Variants in WWOX observed in about 807,000 individuals in gnomAD.
WWOX encodes WW domain-containing oxidoreductase.
A neutral mutation model predicts 46.2 loss-of-function variants in WWOX; 69 were observed. The ratio of observed to expected loss-of-function variants is 1.49; its 90% CI spans 1.23 to 1.82. WWOX has a LOEUF of 1.82. WWOX is among the 40% of genes most tolerant of loss of function. The pLI is 0.00. For synonymous variants in WWOX, 359 were observed against 202.6 expected (o/e 1.77, Z -6.56); for missense variants, 919 against 542.6 (o/e 1.69, Z -6.89).
intron 8 of WWOX, among the ~76,000 whole-genome samples, chr16:79,189,802 G>T (rs908214572): frequency 1.3e-5 from 2 of 151,718 alleles, no homozygotes; most frequent in African/African-American, 2.4e-5. Context: ...CGGTGGGAGG[G>T]GGGGGATATT....
chr16:78,725,344 C>CTTTTTTTTTTT (rs1220702069), intron 8 of WWOX, among the ~76,000 whole-genome samples: 25 of 61,864 alleles, frequency 4.0e-4, no homozygotes, highest in Non-Finnish European at 6.4e-4. Context: ...CTTTTCTTTT[C>CTTTTTTTTTTT]TTTTTTTTTT....
intron 8 of WWOX, among the ~76,000 whole-genome samples, chr16:79,187,521 C>T (rs2051041289): frequency 6.6e-6 from 1 of 152,204 alleles, no homozygotes; most frequent in Admixed American, 6.5e-5. Flanking sequence ...CTGCCTCAGC[C>T]TCCCAAGTAG....
At chr16:78,185,824 G>A (rs190003444) in intron 5 of WWOX, among the ~76,000 whole-genome samples, 1 of 146,358 alleles carries the variant, frequency 6.8e-6, no homozygotes, top group African/African-American at 2.6e-5. Context: ...CCACCATCAC[G>A]CCCAGCTAAT....
At position 78,100,337 on chromosome 16, in the gene WWOX, C is replaced by T. The variant is rs926873550; in HGVS notation, c.107+452C>T. On this transcript the variant is annotated intron_variant, in intron 1 of 8. Coordinates refer to ENST00000566780, the MANE Select transcript of WWOX (RefSeq NM_016373.4). Reference sequence around the variant, plus strand: ...GTGCCATCATAGCCCACTGTAGCCTCTACCTACTGGGTTCAGACAATCCTC... The same window carrying T: ...GTGCCATCATAGCCCACTGTAGCCTTTACCTACTGGGTTCAGACAATCCTC... 1.4e-5 allele frequency: 11 copies of T among 774,456 alleles called. No homozygotes were observed. The African/African-American group carries it at 1.9e-4, about 13-fold the overall frequency. 48.0% of individuals were successfully genotyped at this position (774,456 alleles called of 1,614,324 possible). A position where few individuals can be genotyped will look rare whatever the true frequency, so the allele number is the denominator to read the frequency against.
At chr16:78,301,567 A>G (rs1161216599) in intron 5 of WWOX, among the ~76,000 whole-genome samples, 1 of 152,170 alleles carries the variant, frequency 6.6e-6, no homozygotes, top group Non-Finnish European at 1.5e-5. Flanking sequence ...TCTGTTAATT[A>G]GAATTGTGGG....
At chr16:78,624,827 T>C (rs1302373516) in intron 8 of WWOX, among the ~76,000 whole-genome samples, 2 of 152,224 alleles carry the variant, frequency 1.3e-5, no homozygotes, top group Non-Finnish European at 2.9e-5. Context: ...GGCTTGAATT[T>C]GTTTGCCTAA....
intron 8 of WWOX, among the ~76,000 whole-genome samples, chr16:78,793,985 C>T (rs180978507): frequency 2.6e-5 from 4 of 152,186 alleles, no homozygotes; most frequent in Admixed American, 1.3e-4. Flanking sequence ...TGCCATATAG[C>T]AAAGTTCTTA....
intron 8 of WWOX, among the ~76,000 whole-genome samples, chr16:78,864,168 C>A (rs2043952431): frequency 6.6e-6 from 1 of 152,042 alleles, no homozygotes; most frequent in Non-Finnish European, 1.5e-5. Flanking sequence ...ATTACGGGGT[C>A]ATACAGTAAA....
At chr16:79,006,988 C>A (rs12598700) in intron 8 of WWOX, among the ~76,000 whole-genome samples, 2 of 152,000 alleles carry the variant, frequency 1.3e-5, no homozygotes, top group African/African-American at 4.8e-5. Context: ...TTCCCTTTGT[C>A]GCGTAACCTA....
intron 8 of WWOX, among the ~76,000 whole-genome samples, chr16:78,937,331 A>T (rs1442552499): frequency 1.3e-5 from 2 of 152,010 alleles, no homozygotes; most frequent in Non-Finnish European, 2.9e-5. Context: ...AATTTGATAC[A>T]GGTGTCAGAT....
At chr16:78,126,296 C>T (rs554297391) in intron 4 of WWOX, among the ~76,000 whole-genome samples, 12 of 152,216 alleles carry the variant, frequency 7.9e-5, no homozygotes, top group African/African-American at 2.4e-4. Flanking sequence ...TGATTTGCTC[C>T]CCAACCTTAA....
chr16:78,897,574 G>A (rs1023980371), intron 8 of WWOX: 1 of 152,128 alleles, frequency 6.6e-6, no homozygotes. Context: ...CTGTGCACCT[G>A]TTGATGAGCA....
intron 8 of WWOX, among the ~76,000 whole-genome samples, chr16:79,107,794 AATG>A (rs2049340036): frequency 6.6e-6 from 1 of 152,248 alleles, no homozygotes; most frequent in South Asian, 2.1e-4. Flanking sequence ...TGTATCAGGT[AATG>A]ATCACAAAAT....
rs186619090 is a variant in WWOX at position 78,962,119 on chromosome 16, A to T, written c.1057-249489A>T. Among the ~76,000 whole-genome samples, 3 of 152,052 alleles carry T rather than the reference A, an allele frequency of 2.0e-5. No individual in the cohort carries two copies. The East Asian group carries it at 5.8e-4, about 30-fold the overall frequency. On this transcript the variant is annotated intron_variant, in intron 8 of 8. Transcript: ENST00000566780. ...GACAGTCTTAGGGTGAAAAAGAGGG[A>T]GAGGCTTGCCATCTGAACAGGAATC...
intron 8 of WWOX, among the ~76,000 whole-genome samples, chr16:78,486,016 C>T (rs570284565): frequency 5.3e-5 from 8 of 152,272 alleles, no homozygotes; most frequent in African/African-American, 1.9e-4. Context: ...AGTTTGCTAA[C>T]TTTGAATCGT....
chr16:78,727,590 C>T (rs1251615914), intron 8 of WWOX, among the ~76,000 whole-genome samples: 1 of 152,166 alleles, frequency 6.6e-6, no homozygotes, highest in African/African-American at 2.4e-5. Flanking sequence ...CCTGGTGCTA[C>T]TGCTGTAGTT....
At chr16:78,316,562 A>G (rs186394275) in intron 5 of WWOX, among the ~76,000 whole-genome samples, 9 of 152,160 alleles carry the variant, frequency 5.9e-5, no homozygotes, top group Non-Finnish European at 1.0e-4. Context: ...AGGCTGTTCT[A>G]AAACTCCTGG....
At chr16:79,113,605 G>T (rs561791008) in intron 8 of WWOX, among the ~76,000 whole-genome samples, 1 of 152,256 alleles carries the variant, frequency 6.6e-6, no homozygotes, top group African/African-American at 2.4e-5. Flanking sequence ...GCCAAAGAAG[G>T]TCCCCAGCAT....
rs527825736 is a variant in WWOX at position 78,704,934 on chromosome 16, T to A, written c.1056+272182T>A. On this transcript the variant is annotated intron_variant, in intron 8 of 8. Transcript: ENST00000566780. ...AAATACAACTTGTTTTTTTTTTTTT[T>A]AAAGAGGAGGAAGCCTTAAAAACCA... Among the ~76,000 whole-genome samples, 500 of 151,492 alleles carry A rather than the reference T, an allele frequency of 3.3e-3. 3 individuals carry two copies. Among genetic ancestry groups the A allele is most frequent in the African/African-American group, 0.011 (469 of 41,238 alleles).
Sources: gnomAD v4.1 joint callset for allele counts (sites outside exome capture counted in the v4.1 genomes callset) on GRCh38, gnomAD v4.1.1 for gene constraint, MANE v1.5 for transcripts, NCBI Gene and HGNC (gene_info 2026-07-23, HGNC 2026-07-21) for gene names.